The following GRIK1 variants were observed in gnomAD, a reference collection of about 807,000 sequenced individuals.
GRIK1 encodes the protein glutamate receptor ionotropic, kainate 1.
In GRIK1, 69 loss-of-function variants were observed where a neutral mutation model predicts 105.7. The ratio of observed to expected loss-of-function variants is 0.65; its 90% CI spans 0.54 to 0.80. GRIK1 has a LOEUF of 0.80. Ranked by LOEUF, GRIK1 falls within the 30% of genes least tolerant of loss-of-function variation. GRIK1 has a pLI of 0.00. For synonymous variants in GRIK1, 438 were observed against 431.3 expected (o/e 1.02, Z -0.19); for missense variants, 1,109 against 1,167.3 (o/e 0.95, Z 0.73).
At chr21:29,608,528 T>C (rs1214187161) in intron 7 of GRIK1, among the ~76,000 whole-genome samples, 2 of 152,184 alleles carry the variant, frequency 1.3e-5, no homozygotes, top group Non-Finnish European at 2.9e-5. Flanking sequence ...TGCCAAATAC[T>C]GCATTAATGT....
chr21:29,781,657 C>CTTTT lies in GRIK1; in HGVS notation c.119-87598_119-87595dup, dbSNP rs71191125. On this transcript the variant is annotated intron_variant, in intron 1 of 17. Transcript: ENST00000327783. ...TACATGTGCACCTAACCTACTGTTT[C>CTTTT]TTTTTTTTTTTTTTTTTTTTTTTTG... Among the ~76,000 whole-genome samples the CTTTT allele has an allele frequency of 3.9e-3, 269 of 69,288 alleles. 3 individuals are homozygous for CTTTT. Among genetic ancestry groups the CTTTT allele is most frequent in the Non-Finnish European group, 4.9e-3 (192 of 39,244 alleles). 45.5% of individuals were successfully genotyped at this position (69,288 alleles called of 152,430 possible).
chr21:29,589,492 G>C (rs979459609), intron 10 of GRIK1, among the ~76,000 whole-genome samples: 6 of 150,514 alleles, frequency 4.0e-5, no homozygotes, highest in Admixed American at 3.3e-4. Context: ...GGAGATCTCA[G>C]CTCACTGCAA....
At chr21:29,609,775 T>C (rs1435526061) in intron 7 of GRIK1, among the ~76,000 whole-genome samples, 3 of 152,180 alleles carry the variant, frequency 2.0e-5, no homozygotes, top group East Asian at 3.9e-4. Flanking sequence ...TCTGCTTTTC[T>C]GGGTCTCCAG....
intron 1 of GRIK1, among the ~76,000 whole-genome samples, chr21:29,744,017 C>T (rs1395240989): frequency 1.3e-5 from 2 of 152,210 alleles, no homozygotes; most frequent in African/African-American, 2.4e-5. Flanking sequence ...ATCTGTACAA[C>T]AAACCCCCAT....
In GRIK1 at chr21:29,939,666, G is replaced by C; in HGVS notation, c.-166C>G. The stretch of plus-strand genomic sequence containing the variant: ...TCGAGGGAACCCGCGTGGGACCGCG[G>C]AGCTGGCTGGCAAGGCTGAGCTCTC... On this transcript the variant is annotated 5_prime_UTR_variant, in exon 1 of 18. Coordinates refer to ENST00000327783, the MANE Select transcript of GRIK1 (RefSeq NM_001330994.2). 1.9e-6 allele frequency: 1 copy of C among 526,894 alleles called. No individual in the cohort carries two copies. Among genetic ancestry groups the C allele is most frequent in the Non-Finnish European group, 3.3e-6 (1 of 301,988 alleles). 32.6% of individuals were successfully genotyped at this position (526,894 alleles called of 1,614,324 possible). A position where few individuals can be genotyped will look rare whatever the true frequency, so the allele number is the denominator to read the frequency against.
chr21:29,804,495 A>G (rs1453573674), intron 1 of GRIK1, among the ~76,000 whole-genome samples: 1 of 152,182 alleles, frequency 6.6e-6, no homozygotes, highest in African/African-American at 2.4e-5. Flanking sequence ...ACTAAGTGCA[A>G]TCTTATTTGA....
At chr21:29,912,311 C>G (rs544992092) in intron 1 of GRIK1, among the ~76,000 whole-genome samples, 1 of 152,188 alleles carries the variant, frequency 6.6e-6, no homozygotes, top group South Asian at 2.1e-4. Flanking sequence ...GACATGCCAG[C>G]CGCTAGATAA....
At chr21:29,688,998 T>G (rs1232148940) in intron 3 of GRIK1, among the ~76,000 whole-genome samples, 1 of 152,182 alleles carries the variant, frequency 6.6e-6, no homozygotes, top group African/African-American at 2.4e-5. Context: ...AGTTTTGAAT[T>G]AGAAGAAATT....
chr21:29,753,700 T>C (rs1405612778), intron 1 of GRIK1, among the ~76,000 whole-genome samples: 3 of 152,196 alleles, frequency 2.0e-5, no homozygotes, highest in Non-Finnish European at 4.4e-5. Flanking sequence ...ACCTTTAAAA[T>C]CATCCCTTTG....
intron 1 of GRIK1, among the ~76,000 whole-genome samples, chr21:29,704,257 A>G (rs1190640440): frequency 6.6e-6 from 1 of 152,176 alleles, no homozygotes; most frequent in Non-Finnish European, 1.5e-5. Flanking sequence ...GATATACTGC[A>G]TTACTGGTGT....
At chr21:29,574,002 A>G (rs1348744605) in intron 14 of GRIK1, among the ~76,000 whole-genome samples, 1 of 152,242 alleles carries the variant, frequency 6.6e-6, no homozygotes, top group Non-Finnish European at 1.5e-5. Context: ...ACTTGACCTC[A>G]TGGCATGGGT....
intron 1 of GRIK1, among the ~76,000 whole-genome samples, chr21:29,757,166 G>A (rs1032723767): frequency 6.6e-6 from 1 of 151,616 alleles, no homozygotes. Flanking sequence ...AAAGAAATGC[G>A]AACCAGTGAC....
At chr21:29,757,892 T>G (rs1253897165) in intron 1 of GRIK1, among the ~76,000 whole-genome samples, 1 of 152,250 alleles carries the variant, frequency 6.6e-6, no homozygotes, top group Non-Finnish European at 1.5e-5. Flanking sequence ...GCAAAATTAC[T>G]CCCAGTTGAG....
chr21:29,625,861 C>T (rs1163577378), intron 7 of GRIK1, among the ~76,000 whole-genome samples: 1 of 151,984 alleles, frequency 6.6e-6, no homozygotes, highest in African/African-American at 2.4e-5. Context: ...ACTATTTGTC[C>T]TTTAATTAAA....
chr21:29,597,517 A>T (rs1227135337), intron 8 of GRIK1: 1 of 250,200 alleles, frequency 4.0e-6, no homozygotes, highest in Non-Finnish European at 9.0e-6. Context: ...TTCTTAAAAA[A>T]ATTATAGGCT....
At chr21:29,925,698 C>T (rs2071346733) in intron 1 of GRIK1, among the ~76,000 whole-genome samples, 1 of 152,110 alleles carries the variant, frequency 6.6e-6, no homozygotes, top group Non-Finnish European at 1.5e-5. Context: ...CCGATTTTGT[C>T]TTTTTAAGTA....
At chr21:29,576,615 G>C (rs1028965343) in intron 14 of GRIK1, among the ~76,000 whole-genome samples, 1 of 151,972 alleles carries the variant, frequency 6.6e-6, no homozygotes, top group Non-Finnish European at 1.5e-5. Flanking sequence ...TTATTTTATG[G>C]GTTCTATAAA....
chr21:29,745,876 G>T (rs897852542), intron 1 of GRIK1, among the ~76,000 whole-genome samples: 1 of 152,178 alleles, frequency 6.6e-6, no homozygotes, highest in Non-Finnish European at 1.5e-5. Flanking sequence ...GGCCAAGGCG[G>T]GGGGATCACG....
At chr21:29,819,964 C>T (rs558895434) in intron 1 of GRIK1, among the ~76,000 whole-genome samples, 2 of 151,968 alleles carry the variant, frequency 1.3e-5, no homozygotes, top group African/African-American at 4.8e-5. Flanking sequence ...GAAGCAGAGG[C>T]TAGGCGTTCT....
Sources: allele counts gnomAD v4.1 joint callset (sites outside exome capture counted in the v4.1 genomes callset), GRCh38; gene constraint gnomAD v4.1.1; transcripts MANE v1.5; gene names NCBI Gene and HGNC (gene_info 2026-07-23, HGNC 2026-07-21).